Variants in PHACTR1 observed in about 807,000 individuals in gnomAD.
PHACTR1 encodes phosphatase and actin regulator 1.
PHACTR1 carries 16 observed loss-of-function variants against 69.2 expected under a neutral mutation model. The observed-to-expected ratio is 0.23, with a 90% CI of 0.16 to 0.35. The LOEUF (loss-of-function observed/expected upper bound fraction) is 0.35. Ranked by LOEUF, PHACTR1 falls within the 10% of genes least tolerant of loss-of-function variation. The probability of loss-of-function intolerance (pLI) is 1.00; values close to 1 mark genes in which losing one functional copy is unlikely to be tolerated. For missense variants in PHACTR1, 510 were observed against 734.7 expected (o/e 0.69, Z 3.54); for synonymous variants, 312 against 284.5 (o/e 1.10, Z -0.97).
At position 13,273,296 on chromosome 6, in the gene PHACTR1, T is replaced by C. The variant is rs187576286; in HGVS notation, c.1447+381T>C. 3.1e-5 allele frequency: 6 copies of C among 191,050 alleles called. No homozygotes were observed. The East Asian group carries it at 8.2e-4, about 26-fold the overall frequency. The allele number at this position is 191,050 out of a possible 1,614,324, so 11.8% of individuals were successfully genotyped here. ...ATATGCACGGCTAAAATAAGGGAAA[T>C]GTCCATTTGAACTGAGACTAGAAAG... On this transcript the variant is annotated intron_variant, in intron 11 of 14. Transcript: ENST00000332995.
chr6:13,025,871 G>A (rs144347190), intron 4 of PHACTR1, among the ~76,000 whole-genome samples: 267 of 152,206 alleles, frequency 1.8e-3, no homozygotes, highest in African/African-American at 6.0e-3. Flanking sequence ...TCATGCCAAC[G>A]TGAATAATCA....
At position 13,228,067 on chromosome 6, in the gene PHACTR1, C is replaced by A. The variant is rs375893576; in HGVS notation, c.1234+4C>A. ...GACGACAGCTCATTATACACCAGTG[C>A]GTTCATCTTAACTCATCACCAGGGG... is the stretch of plus-strand genomic sequence containing the variant. On this transcript the variant is annotated splice_donor_region_variant and intron_variant, in intron 9 of 14. Coordinates refer to ENST00000332995, the MANE Select transcript of PHACTR1 (RefSeq NM_030948.6). 6.2e-7 allele frequency: 1 copy of A among 1,608,000 alleles called. No homozygotes were observed. Among genetic ancestry groups the A allele is most frequent in the African/African-American group, 1.3e-5 (1 of 74,932 alleles).
At chr6:13,134,577 CA>C (rs1821228047) in intron 5 of PHACTR1, among the ~76,000 whole-genome samples, 1 of 152,018 alleles carries the variant, frequency 6.6e-6, no homozygotes, top group African/African-American at 2.4e-5. Flanking sequence ...CTTTGTTAAA[CA>C]GATGCTTGAA....
intron 4 of PHACTR1, among the ~76,000 whole-genome samples, chr6:13,013,904 C>T (rs1216433184): frequency 6.7e-6 from 1 of 150,042 alleles, no homozygotes; most frequent in African/African-American, 2.4e-5. Context: ...AGCCCACGCG[C>T]TCAGCGAAGC....
chr6:12,797,023 G>A (rs1308775145), intron 4 of PHACTR1, among the ~76,000 whole-genome samples: 2 of 116,220 alleles, frequency 1.7e-5, no homozygotes, highest in African/African-American at 5.7e-5. Context: ...GTGTGTGTGT[G>A]TGTGTGTGTG....
chr6:12,727,746 ACCAC>A (rs1286880996), intron 3 of PHACTR1, among the ~76,000 whole-genome samples: 1 of 152,158 alleles, frequency 6.6e-6, no homozygotes, highest in African/African-American at 2.4e-5. Flanking sequence ...AAATGTTGGT[ACCAC>A]CCTTTGTGCC....
At chr6:12,888,220 G>A (rs899141832) in intron 4 of PHACTR1, among the ~76,000 whole-genome samples, 1 of 151,972 alleles carries the variant, frequency 6.6e-6, no homozygotes, top group African/African-American at 2.4e-5. Context: ...TTGCCACATG[G>A]GGATACAGCG....
chr6:13,043,449 G>A (rs1804515037), intron 4 of PHACTR1, among the ~76,000 whole-genome samples: 1 of 152,068 alleles, frequency 6.6e-6, no homozygotes, highest in South Asian at 2.1e-4. Flanking sequence ...CGGGTGGGGG[G>A]TGGCGCTGGG....
intron 4 of PHACTR1, among the ~76,000 whole-genome samples, chr6:13,045,068 C>T (rs1280270129): frequency 6.6e-6 from 1 of 152,188 alleles, no homozygotes; most frequent in African/African-American, 2.4e-5. Flanking sequence ...TGAAGCCCTC[C>T]TATGACTTTA....
At chr6:13,068,974 G>A (rs899157859) in intron 5 of PHACTR1, among the ~76,000 whole-genome samples, 2 of 152,124 alleles carry the variant, frequency 1.3e-5, no homozygotes, top group African/African-American at 2.4e-5. Flanking sequence ...TAGGCTGAAC[G>A]ATAATCTAAA....
At position 12,921,098 on chromosome 6, in the gene PHACTR1, G is replaced by A. The variant is rs184082812; in HGVS notation, c.251-132267G>A. On this transcript the variant is annotated intron_variant, in intron 4 of 14. Transcript: ENST00000332995. Reference sequence around the variant, plus strand: ...GGGTGCAGACTTTCAGGATGTGCCCGTTCTCACATTGGTGCAGTGCACCTG... The same window carrying A: ...GGGTGCAGACTTTCAGGATGTGCCCATTCTCACATTGGTGCAGTGCACCTG... 2.2e-3 allele frequency among the ~76,000 whole-genome samples: 339 copies of A among 152,310 alleles called. 1 individual carries two copies. The highest frequency in any genetic ancestry group is 0.017 in the Middle Eastern group (5 of 294).
chr6:13,090,910 T>C (rs1561816610), intron 5 of PHACTR1, among the ~76,000 whole-genome samples: 1 of 152,134 alleles, frequency 6.6e-6, no homozygotes, highest in Non-Finnish European at 1.5e-5. Flanking sequence ...ACACTTTATT[T>C]CTATTATTAT....
Position 13,231,087 on chromosome 6 carries a change from GAAGGA to G in PHACTR1, c.1391+896_1391+900del, listed in dbSNP as rs1770928837. ...AGGAAGGAAGGAAGGAAGGAAGGAA[GAAGGA>G]AGGAAGGGAAAAGAAAGAAGGAAAG... On this transcript the variant is annotated intron_variant, in intron 10 of 14. Coordinates refer to ENST00000332995, the MANE Select transcript of PHACTR1 (RefSeq NM_030948.6). Among the ~76,000 whole-genome samples the G allele has an allele frequency of 1.2e-4, 2 of 16,208 alleles. 1 individual carries two copies. Among genetic ancestry groups the G allele is most frequent in the Non-Finnish European group, 1.8e-4 (2 of 11,104 alleles). The allele number at this position is 16,208 out of a possible 152,430, so 10.6% of individuals were successfully genotyped here.
rs182841576 is a variant in PHACTR1, at chr6:12,881,266, A to G, written c.250+131476A>G. On this transcript the variant is annotated intron_variant, in intron 4 of 14. Transcript: ENST00000332995. ...AGGAAGAGGGCGATGCTGTATGCTG[A>G]GTGACTCTCAAGTTTCCAGCCTAAC... Among the ~76,000 whole-genome samples the G allele has an allele frequency of 3.2e-4, 49 of 152,278 alleles. 1 individual carries two copies. The highest frequency in any genetic ancestry group is 5.4e-4 in the Non-Finnish European group (37 of 68,022).
intron 5 of PHACTR1, among the ~76,000 whole-genome samples, chr6:13,093,965 A>G (rs989139630): frequency 2.9e-4 from 44 of 152,054 alleles, no homozygotes; most frequent in Admixed American, 2.7e-3. Flanking sequence ...TTAAACTCCT[A>G]GGTTCAAGTG....
At chr6:13,077,998 A>G (rs1338943166) in intron 5 of PHACTR1, among the ~76,000 whole-genome samples, 1 of 152,192 alleles carries the variant, frequency 6.6e-6, no homozygotes, top group Non-Finnish European at 1.5e-5. Flanking sequence ...AGGAACACTC[A>G]TGGCCAAAGA....
chr6:13,077,101 A>T (rs1810613309), intron 5 of PHACTR1, among the ~76,000 whole-genome samples: 1 of 151,672 alleles, frequency 6.6e-6, no homozygotes, highest in Non-Finnish European at 1.5e-5. Flanking sequence ...TAAAAAAAAA[A>T]ATAAAGTACA....
At chr6:12,894,669 A>G (rs1267268325) in intron 4 of PHACTR1, among the ~76,000 whole-genome samples, 1 of 152,172 alleles carries the variant, frequency 6.6e-6, no homozygotes, top group African/African-American at 2.4e-5. Context: ...CCCTAACCAC[A>G]TAGTAGAGTT....
intron 5 of PHACTR1, among the ~76,000 whole-genome samples, chr6:13,088,214 C>A (rs1377528044): frequency 6.6e-6 from 1 of 151,968 alleles, no homozygotes; most frequent in Non-Finnish European, 1.5e-5. Flanking sequence ...ATTTTAAAAA[C>A]AATTGAATTC....
Sources: gnomAD v4.1 joint callset for allele counts (sites outside exome capture counted in the v4.1 genomes callset) on GRCh38, gnomAD v4.1.1 for gene constraint, MANE v1.5 for transcripts, NCBI Gene and HGNC (gene_info 2026-07-23, HGNC 2026-07-21) for gene names.